The following PLA2G4C variants were observed in gnomAD, a reference collection of about 807,000 sequenced individuals.
The protein encoded by PLA2G4C is phospholipase A2 group IVC.
In PLA2G4C, 64 loss-of-function variants were observed where a neutral mutation model predicts 73.8. That is an observed-to-expected ratio of 0.87 (90% CI 0.71 to 1.07). PLA2G4C has a LOEUF of 1.07. Ranked by LOEUF, PLA2G4C falls within the 50% of genes least tolerant of loss-of-function variation. PLA2G4C has a pLI of 0.00. For missense variants in PLA2G4C, 622 were observed against 665.4 expected (o/e 0.93, Z 0.72); for synonymous variants, 254 against 252.1 (o/e 1.01, Z -0.07).
intron 11 of PLA2G4C, 28 bp from the exon 12 acceptor site, chr19:48,074,902 G>A: frequency 6.9e-7 from 1 of 1,453,962 alleles, no homozygotes. Flanking sequence ...GGTGGTCTCA[G>A]ACACTGTCCA....
At chr19:48,083,406 T>G (rs755444994) in intron 10 of PLA2G4C, among the ~76,000 whole-genome samples, 3,924 of 148,926 alleles carry the variant, frequency 0.026, 171 homozygotes, top group African/African-American at 0.08. Flanking sequence ...TTTTTTTTTT[T>G]TTTGTTTGTT....
chr19:48,071,922 C>T (rs939179443), intron 12 of PLA2G4C, among the ~76,000 whole-genome samples: 8 of 151,708 alleles, frequency 5.3e-5, no homozygotes, highest in South Asian at 2.1e-4. Context: ...CTGAGGTGGG[C>T]GGATCACAAG....
At chr19:48,052,819 C>T in intron 16 of PLA2G4C, 178 bp downstream of exon 16, 2 of 526,218 alleles carry the variant, frequency 3.8e-6, no homozygotes, top group Non-Finnish European at 6.4e-6. Flanking sequence ...CTTCAGAAAA[C>T]CATTCACTCC....
In PLA2G4C at chr19:48,052,863, G is replaced by A. The variant is rs141512988; in HGVS notation, c.1580+134C>T. On this transcript the variant is annotated intron_variant, in intron 16 of 16. Transcript: ENST00000599921. ...TTCATGGTCTGTCCCCTGCTGAGAC[G>A]CAAGCTCAAGTAGGGGAGACACTGC... The A allele has an allele frequency of 1.2e-3, 1,021 of 879,918 alleles. 10 individuals are homozygous for A. The African/African-American group carries it at 0.015, about 13-fold the overall frequency. The allele number at this position is 879,918 out of a possible 1,614,324, so 54.5% of individuals were successfully genotyped here. A position where few individuals can be genotyped will look rare whatever the true frequency, so the allele number is the denominator to read the frequency against.
chr19:48,073,937 C>T (rs978234359), intron 12 of PLA2G4C, among the ~76,000 whole-genome samples: 2 of 152,042 alleles, frequency 1.3e-5, no homozygotes, highest in African/African-American at 4.8e-5. Context: ...GCCCCACCTC[C>T]AACACTGGGG....
chr19:48,058,999 G>T (rs1422424832), intron 14 of PLA2G4C, among the ~76,000 whole-genome samples: 1 of 151,764 alleles, frequency 6.6e-6, no homozygotes, highest in East Asian at 2.0e-4. Context: ...TTGGCCGGGC[G>T]TGGTGGCTCA....
At chr19:48,099,964 T>C in intron 4 of PLA2G4C, 104 bp from the exon 5 acceptor site, 1 of 711,642 alleles carries the variant, frequency 1.4e-6, no homozygotes, top group South Asian at 1.9e-5. Flanking sequence ...ACCTGCCTCA[T>C]GGAGAGGGCG....
At chr19:48,094,571 A>C (rs1456065020) in intron 7 of PLA2G4C, among the ~76,000 whole-genome samples, 1 of 152,178 alleles carries the variant, frequency 6.6e-6, no homozygotes, top group Non-Finnish European at 1.5e-5. Flanking sequence ...CCCTATGAGA[A>C]AAACGAGGCT....
intron 13 of PLA2G4C, among the ~76,000 whole-genome samples, chr19:48,066,730 T>G (rs1394415418): frequency 6.6e-6 from 1 of 151,976 alleles, no homozygotes; most frequent in East Asian, 1.9e-4. Context: ...TTTGGGAGGC[T>G]GAGGTGGGAG....
At chr19:48,106,662 G>A (rs2032252355) in intron 1 of PLA2G4C, 101 bp from the exon 2 acceptor site, 2 of 875,080 alleles carry the variant, frequency 2.3e-6, no homozygotes, top group Non-Finnish European at 3.8e-6. Flanking sequence ...GGTTCTCCTT[G>A]TCCACTGCCC....
intron 10 of PLA2G4C, among the ~76,000 whole-genome samples, chr19:48,082,492 CTTTCTTTTTTTTT>C (rs1319459997): frequency 1.1e-5 from 1 of 91,518 alleles, no homozygotes; most frequent in African/African-American, 3.3e-5. Context: ...TTCTTTCTTT[CTTTCTTTTTTTTT>C]TTTTTTTTTT....
intron 8 of PLA2G4C, 74 bp downstream of exon 8, chr19:48,090,290 G>T: frequency 9.6e-7 from 1 of 1,042,010 alleles, no homozygotes; most frequent in Non-Finnish European, 1.5e-6. Context: ...TCTGCCATGA[G>T]TAGGAAAAGT....
rs2031520705 is a variant in PLA2G4C at position 48,095,532 on chromosome 19, A to C, written c.641T>G (p.Phe214Cys). The change falls in exon 7 of 17, where the codon TTC (phenylalanine) becomes TGC (cysteine). Residue 214 changes from phenylalanine to cysteine, a missense_variant. Phe to Cys is a radical substitution (Grantham distance 205). Transcript: ENST00000599921. The part of the protein sequence containing the change: ...ALGAFVSITH[F>C]GSKFKKGRLV... The stretch of plus-strand genomic sequence containing the variant: ...TCTTCCCTTCTTGAATTTGCTTCCG[A>C]AGTGGGTTATGGAAACAAAGGCCCC... 1 of 1,613,944 alleles carries C rather than the reference A, an allele frequency of 6.2e-7. No homozygotes were observed.
intron 11 of PLA2G4C, among the ~76,000 whole-genome samples, chr19:48,075,425 G>T (rs1020426629): frequency 2.0e-5 from 3 of 151,714 alleles, no homozygotes; most frequent in Non-Finnish European, 1.5e-5. Context: ...GACCTCAAGT[G>T]ATCCACCCCC....
chr19:48,065,656 CTGAT>C (rs1968387255), intron 13 of PLA2G4C, among the ~76,000 whole-genome samples: 1 of 151,406 alleles, frequency 6.6e-6, no homozygotes, highest in South Asian at 2.1e-4. Flanking sequence ...ATAAAAATAT[CTGAT>C]TGGCTATTGG....
intron 1 of PLA2G4C, among the ~76,000 whole-genome samples, chr19:48,107,543 A>G (rs2032295983): frequency 6.6e-6 from 1 of 152,158 alleles, no homozygotes; most frequent in African/African-American, 2.4e-5. Flanking sequence ...GCGTCTGGGA[A>G]GATGCCCATT....
intron 14 of PLA2G4C, among the ~76,000 whole-genome samples, chr19:48,061,024 G>C (rs892101314): frequency 3.3e-5 from 5 of 152,104 alleles, no homozygotes; most frequent in African/African-American, 1.2e-4. Flanking sequence ...AGCTGGGCAG[G>C]GCGGCTTGTG....
chr19:48,099,786 C>A lies in PLA2G4C; in HGVS notation c.332G>T (p.Arg111Leu). Residue 111 changes from arginine (R) to leucine (L), a missense_variant, in exon 5 of 17, where the codon CGA becomes CTA. Arg to Leu is a moderately radical substitution (Grantham distance 102). Transcript: ENST00000599921. ...LEADLKHRFT[R>L]QEWDLAKSLQ... is the part of the protein sequence containing the mutation. ...GCTCTTAGCCAAGTCCCACTCCTGT[C>A]GGGTAAATCGATGTTTCAGGTCAGC... 6.2e-7 allele frequency: 1 copy of A among 1,613,804 alleles called. No homozygotes were observed. Among genetic ancestry groups the A allele is most frequent in the Non-Finnish European group, 8.5e-7 (1 of 1,179,754 alleles).
chr19:48,099,667 T>G lies in PLA2G4C; in HGVS notation c.447+4A>C, dbSNP rs751219894. 2.5e-6 allele frequency: 4 copies of G among 1,610,512 alleles called. No individual in the cohort carries two copies. In the East Asian group the frequency reaches 6.7e-5, roughly 27 times the overall value. The stretch of plus-strand genomic sequence containing the variant: ...CCCCAGGTCCCCAGCTGGGAATGAC[T>G]TACTTCTCTGGTTTGCTTAGAGATA... On this transcript the variant is annotated splice_donor_region_variant and intron_variant, in intron 5 of 16. Transcript: ENST00000599921.
Sources: allele counts gnomAD v4.1 joint callset (sites outside exome capture counted in the v4.1 genomes callset), GRCh38; gene constraint gnomAD v4.1.1; transcripts MANE v1.5; gene names NCBI Gene and HGNC (gene_info 2026-07-23, HGNC 2026-07-21).